SAMD12: variants seen among roughly 807,000 people sequenced by gnomAD.
The protein encoded by SAMD12 is sterile alpha motif domain containing 12, also known as sterile alpha motif domain-containing protein 12.
Under a neutral mutation model 15.0 loss-of-function variants are expected in SAMD12, and 9 were observed. The ratio of observed to expected loss-of-function variants is 0.60; its 90% confidence interval spans 0.36 to 1.05. SAMD12 has a LOEUF of 1.05. Ranked by LOEUF, SAMD12 falls within the 50% of genes least tolerant of loss-of-function variation. The probability of loss-of-function intolerance (pLI) is 0.01; values close to 1 mark genes in which losing one functional copy is unlikely to be tolerated. For synonymous variants in SAMD12, 86 were observed against 90.1 expected (o/e 0.96, Z 0.25); for missense variants, 230 against 234.2 (o/e 0.98, Z 0.12).
chr8:118,458,687 T>C (rs975691340), intron 2 of SAMD12, among the ~76,000 whole-genome samples: 6 of 152,244 alleles, frequency 3.9e-5, no homozygotes, highest in African/African-American at 1.4e-4. Flanking sequence ...TTATTGATTA[T>C]GAAGCAGCAA....
chr8:118,314,764 G>C (rs1200120549), intron 4 of SAMD12, among the ~76,000 whole-genome samples: 1 of 152,064 alleles, frequency 6.6e-6, no homozygotes, highest in Non-Finnish European at 1.5e-5. Context: ...GCCATGGTGT[G>C]GATGTACCAC....
intron 2 of SAMD12, among the ~76,000 whole-genome samples, chr8:118,463,093 T>C (rs1586737213): frequency 1.5e-5 from 1 of 68,826 alleles, no homozygotes; most frequent in African/African-American, 6.5e-5. Context: ...AGAGCGAAAC[T>C]CCGTCTCAAA....
chr8:118,595,644 T>C (rs1827704665), intron 1 of SAMD12, among the ~76,000 whole-genome samples: 1 of 152,252 alleles, frequency 6.6e-6, no homozygotes. Flanking sequence ...TCTAAGTTCA[T>C]GTTTCCAAAC....
At chr8:118,515,683 TGA>T in intron 2 of SAMD12, among the ~76,000 whole-genome samples, 3 of 152,130 alleles carry the variant, frequency 2.0e-5, no homozygotes, top group Non-Finnish European at 2.9e-5. Context: ...CCTTCCTCAC[TGA>T]CAAATTCCTT....
At chr8:118,591,962 G>C (rs771907311) in intron 1 of SAMD12, among the ~76,000 whole-genome samples, 18 of 152,132 alleles carry the variant, frequency 1.2e-4, no homozygotes, top group Admixed American at 6.6e-5. Context: ...TGAAGGTGGT[G>C]ATACCTATTA....
intron 4 of SAMD12, among the ~76,000 whole-genome samples, chr8:118,203,331 T>G (rs1819765454): frequency 6.6e-6 from 1 of 152,070 alleles, no homozygotes. Flanking sequence ...CTGGATATAA[T>G]TTTGCCCCCT....
chr8:118,462,866 G>A (rs1038530481), intron 2 of SAMD12, among the ~76,000 whole-genome samples: 1 of 152,086 alleles, frequency 6.6e-6, no homozygotes, highest in Non-Finnish European at 1.5e-5. Context: ...ACTTTGGGAG[G>A]CCGAGACGGG....
chr8:118,154,457 CT>C, the SAMD12 span, among the ~76,000 whole-genome samples: 1 of 152,172 alleles, frequency 6.6e-6, no homozygotes, highest in Non-Finnish European at 1.5e-5. Flanking sequence ...CCATGACATG[CT>C]GTTCATACTG....
At chr8:118,550,089 G>A (rs1212999556) in intron 2 of SAMD12, among the ~76,000 whole-genome samples, 1 of 152,202 alleles carries the variant, frequency 6.6e-6, no homozygotes, top group Admixed American at 6.5e-5. Flanking sequence ...ATGGAACCAA[G>A]CTGGAAAACA....
intron 4 of SAMD12, among the ~76,000 whole-genome samples, chr8:118,364,196 G>C (rs1305954906): frequency 6.6e-6 from 1 of 152,162 alleles, no homozygotes; most frequent in Non-Finnish European, 1.5e-5. Context: ...GCCAAGCACA[G>C]GAAATTGTAG....
chr8:118,199,513 C>T (rs17451921), intron 4 of SAMD12, among the ~76,000 whole-genome samples: 2,501 of 152,112 alleles, frequency 0.016, 90 homozygotes, highest in East Asian at 0.11. Context: ...TAATGAATAA[C>T]CTATAAAATA....
chr8:118,316,660 C>T (rs1452835473), intron 4 of SAMD12, among the ~76,000 whole-genome samples: 1 of 152,056 alleles, frequency 6.6e-6, no homozygotes, highest in Non-Finnish European at 1.5e-5. Flanking sequence ...GGAGTGTTAA[C>T]TGGTACAACC....
chr8:118,152,051 C>T, the SAMD12 span, among the ~76,000 whole-genome samples: 1 of 152,046 alleles, frequency 6.6e-6, no homozygotes, highest in African/African-American at 2.4e-5. Flanking sequence ...ATATAAAGAG[C>T]ATGTCCAATT....
chr8:118,536,380 T>C (rs1825841035), intron 2 of SAMD12, among the ~76,000 whole-genome samples: 1 of 152,064 alleles, frequency 6.6e-6, no homozygotes, highest in South Asian at 2.1e-4. Flanking sequence ...TACCTGGCAT[T>C]ATATTACAAT....
At position 118,575,179 on chromosome 8, in the gene SAMD12, T is replaced by C. The variant is rs1468819706; in HGVS notation, c.192+5536A>G. ...CAGCACCAAGTTCCAGGCCAGCTCC[T>C]TTAACTCTGTGCCAAAGAAATACAA... On this transcript the variant is annotated intron_variant, in intron 2 of 3. Coordinates refer to ENST00000314727, the MANE Select transcript of SAMD12 (RefSeq NM_207506.3). 2.0e-5 allele frequency among the ~76,000 whole-genome samples: 3 copies of C among 152,190 alleles called. No homozygotes were observed. In the East Asian group the frequency reaches 5.8e-4, roughly 29 times the overall value.
chr8:118,145,483 A>G, the SAMD12 span, among the ~76,000 whole-genome samples: 1 of 152,154 alleles, frequency 6.6e-6, no homozygotes, highest in Non-Finnish European at 1.5e-5. Context: ...TTGAGATCCT[A>G]CTGTGTGTTG....
intron 4 of SAMD12, among the ~76,000 whole-genome samples, chr8:118,233,430 AAAG>A (rs1387000016): frequency 2.0e-5 from 3 of 152,178 alleles, no homozygotes; most frequent in African/African-American, 7.2e-5. Flanking sequence ...TCTGTAGTAG[AAAG>A]AAGATAGTTT....
chr8:118,261,860 A>AT (rs1813085316), intron 4 of SAMD12, among the ~76,000 whole-genome samples: 3 of 151,844 alleles, frequency 2.0e-5, no homozygotes, highest in Admixed American at 2.0e-4. Context: ...AGGATTTGCA[A>AT]TTTCTTTTCT....
intron 4 of SAMD12, among the ~76,000 whole-genome samples, chr8:118,358,276 G>T (rs530756868): frequency 6.6e-6 from 1 of 152,082 alleles, no homozygotes; most frequent in Non-Finnish European, 1.5e-5. Context: ...ACCACTTAAA[G>T]GTAACTATTA....
Sources: gnomAD v4.1 joint callset for allele counts (sites outside exome capture counted in the v4.1 genomes callset) on GRCh38, gnomAD v4.1.1 for gene constraint, MANE v1.5 for transcripts, NCBI Gene and HGNC (gene_info 2026-07-23, HGNC 2026-07-21) for gene names.